Variants in RPSA2 observed in about 807,000 individuals in gnomAD.
RPSA2 encodes small ribosomal subunit protein uS2B.
At chr19:23,842,312 C>A in the RPSA2 span, among the ~76,000 whole-genome samples, 1 of 152,026 alleles carries the variant, frequency 6.6e-6, no homozygotes, top group Non-Finnish European at 1.5e-5. Flanking sequence ...AGTTCTATGC[C>A]GTGTTATTCA....
chr19:23,856,304 A>G, the RPSA2 span, among the ~76,000 whole-genome samples: 2 of 152,148 alleles, frequency 1.3e-5, no homozygotes, highest in Non-Finnish European at 2.9e-5. Flanking sequence ...ACACGATCCC[A>G]TAGTTCCACA....
At chr19:23,862,380 G>T in the RPSA2 span, among the ~76,000 whole-genome samples, 1 of 151,306 alleles carries the variant, frequency 6.6e-6, no homozygotes, top group African/African-American at 2.4e-5. Flanking sequence ...TCCTTCTCTT[G>T]CCTAATTGCC....
At chr19:23,841,250 G>A in the RPSA2 span, among the ~76,000 whole-genome samples, 8 of 152,068 alleles carry the variant, frequency 5.3e-5, no homozygotes, top group Admixed American at 4.6e-4. Flanking sequence ...AGATCACGAG[G>A]TCAGGAGATC....
the RPSA2 span, among the ~76,000 whole-genome samples, chr19:23,772,613 A>G: frequency 6.6e-6 from 1 of 152,150 alleles, no homozygotes; most frequent in East Asian, 1.9e-4. Context: ...CTTGAGTGTT[A>G]CAAAGAGTGT....
At chr19:23,837,061 A>G in the RPSA2 span, among the ~76,000 whole-genome samples, 2 of 152,132 alleles carry the variant, frequency 1.3e-5, no homozygotes, top group Non-Finnish European at 1.5e-5. Context: ...TTGGCCAACC[A>G]ATGCCTAGAA....
At chr19:23,779,174 G>T in the RPSA2 span, among the ~76,000 whole-genome samples, 1 of 151,704 alleles carries the variant, frequency 6.6e-6, no homozygotes, top group Non-Finnish European at 1.5e-5. Flanking sequence ...CTAATTTTTT[G>T]TATTTTTAGT....
the RPSA2 span, among the ~76,000 whole-genome samples, chr19:23,765,081 G>A: frequency 2.0e-5 from 3 of 152,174 alleles, no homozygotes; most frequent in Admixed American, 2.0e-4. Flanking sequence ...AAGAGCAACT[G>A]GATGGCCTAG....
At chr19:23,801,951 T>C in the RPSA2 span, among the ~76,000 whole-genome samples, 2 of 152,210 alleles carry the variant, frequency 1.3e-5, no homozygotes, top group African/African-American at 4.8e-5. Flanking sequence ...TCTCCTTTGA[T>C]TGTACTCGCT....
the RPSA2 span, among the ~76,000 whole-genome samples, chr19:23,769,983 A>G: frequency 2.0e-5 from 3 of 151,756 alleles, no homozygotes. Flanking sequence ...ATTACATATC[A>G]CTGGGCCCAG....
chr19:23,826,179 T>A, the RPSA2 span, among the ~76,000 whole-genome samples: 1 of 151,570 alleles, frequency 6.6e-6, no homozygotes, highest in Non-Finnish European at 1.5e-5. Flanking sequence ...TAATTTTTAA[T>A]TTTTTCTTTT....
the RPSA2 span, among the ~76,000 whole-genome samples, chr19:23,800,365 C>A: frequency 1.4e-4 from 22 of 152,050 alleles, no homozygotes; most frequent in African/African-American, 5.1e-4. Context: ...ATTGTGGTTT[C>A]TCTGGGGCTG....
chr19:23,865,752 G>A, the RPSA2 span, among the ~76,000 whole-genome samples: 64 of 152,296 alleles, frequency 4.2e-4, no homozygotes, highest in Non-Finnish European at 7.9e-4. Context: ...GGGACCTTAT[G>A]CTTTTCCTAT....
At chr19:23,849,744 G>A in the RPSA2 span, among the ~76,000 whole-genome samples, 1 of 152,024 alleles carries the variant, frequency 6.6e-6, no homozygotes, top group Admixed American at 6.6e-5. Flanking sequence ...TTTTTAAATA[G>A]CCCTTTGGTG....
the RPSA2 span, among the ~76,000 whole-genome samples, chr19:23,824,580 C>CTTTCTTTTTTT: frequency 2.5e-3 from 158 of 63,820 alleles, 37 homozygotes; most frequent in South Asian, 4.4e-3. Flanking sequence ...TATAGCATTT[C>CTTTCTTTTTTT]TTTTTTTTTT....
At chr19:23,851,907 G>A in the RPSA2 span, among the ~76,000 whole-genome samples, 4 of 152,244 alleles carry the variant, frequency 2.6e-5, no homozygotes, top group South Asian at 2.1e-4. Flanking sequence ...GTTGAGAAGC[G>A]GCCTGAACTT....
chr19:23,838,149 T>A, the RPSA2 span, among the ~76,000 whole-genome samples: 1 of 152,228 alleles, frequency 6.6e-6, no homozygotes, highest in Non-Finnish European at 1.5e-5. Flanking sequence ...GTTTTAATTA[T>A]AAAGCGATGT....
At chr19:23,832,146 A>G in the RPSA2 span, 1 of 419,628 alleles carries the variant, frequency 2.4e-6, no homozygotes, top group Non-Finnish European at 4.8e-6. Context: ...ACAGATGTGA[A>G]GAATGTGGCA....
chr19:23,832,789 G>C, the RPSA2 span: 1 of 1,567,030 alleles, frequency 6.4e-7, no homozygotes, highest in South Asian at 1.1e-5. Context: ...AATTCATACT[G>C]GAGAGAAACC....
At chr19:23,824,703 T>G in the RPSA2 span, among the ~76,000 whole-genome samples, 14,744 of 150,010 alleles carry the variant, frequency 0.098, 1,010 homozygotes, top group South Asian at 0.2. Flanking sequence ...CTGGTCACCA[T>G]GTACCTTTTT....
Sources: allele counts gnomAD v4.1 joint callset (sites outside exome capture counted in the v4.1 genomes callset), GRCh38; gene constraint gnomAD v4.1.1; transcripts MANE v1.5; gene names NCBI Gene and HGNC (gene_info 2026-07-23, HGNC 2026-07-21).